GRIK4: variants seen among roughly 807,000 people sequenced by gnomAD.
The protein encoded by GRIK4 is glutamate ionotropic receptor kainate type subunit 4.
In GRIK4, 40 loss-of-function variants were observed where a neutral mutation model predicts 104.9. The observed-to-expected ratio is 0.38, with a 90% CI of 0.30 to 0.50. GRIK4 has a LOEUF of 0.50. Among genes scored for constraint, GRIK4 ranks in the 20% least tolerant of loss-of-function variants. The pLI is 0.93. For synonymous variants in GRIK4, 485 were observed against 524.9 expected (o/e 0.92, Z 1.04); for missense variants, 1,047 against 1,308.1 (o/e 0.80, Z 3.08).
At chr11:120,731,164 A>G (rs2846106) in intron 3 of GRIK4, among the ~76,000 whole-genome samples, 7,279 of 151,664 alleles carry the variant, frequency 0.048, 338 homozygotes, top group African/African-American at 0.11. Flanking sequence ...AAAGGCTTTC[A>G]GTTTTTCTCC....
intron 1 of GRIK4, among the ~76,000 whole-genome samples, chr11:120,634,076 C>T (rs571110503): frequency 1.2e-4 from 18 of 152,260 alleles, no homozygotes; most frequent in Admixed American, 7.2e-4. Context: ...CCTTTCTGAA[C>T]CTCATTTCTA....
rs533660084 is a variant in GRIK4 at position 120,911,507 on chromosome 11, G to A, written c.1476+6014G>A. 4.2e-3 allele frequency among the ~76,000 whole-genome samples: 613 copies of A among 146,182 alleles called. 5 individuals are homozygous for A. The highest frequency in any genetic ancestry group is 7.4e-3 in the Non-Finnish European group (492 of 66,282). On this transcript the variant is annotated intron_variant, in intron 13 of 20. Transcript: ENST00000527524. Reference sequence around the variant, plus strand: ...CCGTCTCGGCCTCCCAAAGTGCTGGGATTACAGGCTTGAGCCACCGCGCCC... The same window carrying A: ...CCGTCTCGGCCTCCCAAAGTGCTGGAATTACAGGCTTGAGCCACCGCGCCC...
intron 3 of GRIK4, among the ~76,000 whole-genome samples, chr11:120,783,731 A>G (rs1420393848): frequency 6.6e-6 from 1 of 152,162 alleles, no homozygotes; most frequent in East Asian, 1.9e-4. Flanking sequence ...ACAGTCAACT[A>G]AGCATCTCTT....
rs137936821 is a variant in GRIK4, at chr11:120,695,175, G to T, written c.82+34775G>T. ...GCCTTGGGACCCAGGAGCATGGGGG[G>T]TGTTCATTCTCACGAGCTGGGCTGT... On this transcript the variant is annotated intron_variant, in intron 3 of 20. Transcript: ENST00000527524. Among the ~76,000 whole-genome samples the T allele has an allele frequency of 6.1e-3, 930 of 152,328 alleles. 7 individuals are homozygous for T. The highest frequency in any genetic ancestry group is 0.017 in the Middle Eastern group (5 of 294).
intron 8 of GRIK4, chr11:120,858,542 C>T (rs1324490807): frequency 6.6e-6 from 1 of 152,202 alleles, no homozygotes; most frequent in Non-Finnish European, 1.5e-5. Flanking sequence ...AAACCAGCTG[C>T]TTCACTGCTG....
At position 120,939,020 on chromosome 11, in the gene GRIK4, T is replaced by G. The variant is rs1005367846; in HGVS notation, c.1477-1327T>G. On this transcript the variant is annotated intron_variant, in intron 13 of 20. Coordinates refer to ENST00000527524, the MANE Select transcript of GRIK4 (RefSeq NM_014619.5). This position sits in a 1 kb window ranked among gnomAD's most constrained non-coding sequence, Gnocchi z 5.6. ...CTGGGAAGGACCCAGGCACTCTCCT[T>G]GATTTATGGATGAGGTTAAGGGAGC... Among the ~76,000 whole-genome samples, 10 of 152,130 alleles carry G rather than the reference T, an allele frequency of 6.6e-5. No individual in the cohort carries two copies.
chr11:120,972,317 T>A (rs1246690204), intron 19 of GRIK4, among the ~76,000 whole-genome samples: 2 of 152,186 alleles, frequency 1.3e-5, no homozygotes, highest in Non-Finnish European at 2.9e-5. Context: ...TTGGCGGCAT[T>A]CATGGTCCCA....
At chr11:120,660,011 C>T (rs902499419) in intron 2 of GRIK4, among the ~76,000 whole-genome samples, 4 of 152,214 alleles carry the variant, frequency 2.6e-5, no homozygotes, top group African/African-American at 4.8e-5. Flanking sequence ...GGATTACAGG[C>T]GTGAGCCACT....
At chr11:120,610,378 G>A (rs1949019683) in intron 1 of GRIK4, among the ~76,000 whole-genome samples, 1 of 152,256 alleles carries the variant, frequency 6.6e-6, no homozygotes, top group South Asian at 2.1e-4. Flanking sequence ...TACACTCAGA[G>A]ATGAGATTGT....
intron 3 of GRIK4, among the ~76,000 whole-genome samples, chr11:120,694,730 G>T (rs1294454163): frequency 1.3e-5 from 2 of 152,168 alleles, no homozygotes; most frequent in African/African-American, 4.8e-5. Flanking sequence ...GCTCCAGGGG[G>T]CCTGGGAGAA....
rs561189468 is a variant in GRIK4, at chr11:120,517,052, C to T, written c.-159+5165C>T. ...TCCCCAGCCTCCTGCCAGCCCTCGCCGCCCTCCCTCCACGGTACCCTCGTG... is the reference window on the plus strand; with the variant it reads ...TCCCCAGCCTCCTGCCAGCCCTCGCTGCCCTCCCTCCACGGTACCCTCGTG... On this transcript the variant is annotated intron_variant, in intron 1 of 20. Transcript: ENST00000527524. 1.9e-4 allele frequency among the ~76,000 whole-genome samples: 28 copies of T among 144,424 alleles called. 6 individuals carry two copies. Among genetic ancestry groups the T allele is most frequent in the African/African-American group, 7.3e-4 (27 of 37,190 alleles). 94.7% of individuals were successfully genotyped at this position (144,424 alleles called of 152,430 possible).
chr11:120,964,049 G>C (rs1944341814), intron 18 of GRIK4, among the ~76,000 whole-genome samples: 1 of 151,382 alleles, frequency 6.6e-6, no homozygotes, highest in African/African-American at 2.4e-5. Flanking sequence ...CTGGAGTGCA[G>C]TGGCACTATC....
chr11:120,735,176 A>C (rs1383327697), intron 3 of GRIK4, among the ~76,000 whole-genome samples: 1 of 152,116 alleles, frequency 6.6e-6, no homozygotes. Flanking sequence ...TGTTTATCGT[A>C]GTCTTCACAA....
At chr11:120,607,173 C>T (rs1405302422) in intron 1 of GRIK4, among the ~76,000 whole-genome samples, 2 of 152,218 alleles carry the variant, frequency 1.3e-5, no homozygotes, top group Admixed American at 6.5e-5. Flanking sequence ...GGACAGGCTT[C>T]GGGGAGACAT....
rs1375200144 is a variant in GRIK4 at position 120,967,736 on chromosome 11, T to A, written c.2395+413T>A. Among the ~76,000 whole-genome samples the A allele has an allele frequency of 6.6e-6, 1 of 152,128 alleles. No individual in the cohort carries two copies. Among genetic ancestry groups the A allele is most frequent in the East Asian group, 1.9e-4 (1 of 5,184 alleles). ...TAAAAATGCAAACTCGATGGCAGCA[T>A]TCCCCCCACAAACCTCCCAATGGTT... On this transcript the variant is annotated intron_variant, in intron 19 of 20. Coordinates refer to ENST00000527524, the MANE Select transcript of GRIK4 (RefSeq NM_014619.5). The surrounding 1 kb of genome is among the most constrained non-coding windows in gnomAD (Gnocchi z 4.2).
chr11:120,660,364 G>A lies in GRIK4; in HGVS notation c.46G>A (p.Val16Met), dbSNP rs200538196. The A allele has an allele frequency of 1.6e-4, 253 of 1,613,292 alleles. 1 individual carries two copies. Among genetic ancestry groups the A allele is most frequent in the Middle Eastern group, 6.6e-4 (4 of 6,060 alleles). ...TTTGGTGCTGCTTCCTGCGTGGCTC[G>A]TGATGGTCGCCTGCAGCCCGCACTC... ...APLVLLPAWL[V>M]MVACSPHSLR... The change falls in exon 3 of 21, where the codon GTG (valine) becomes ATG (methionine). Residue 16 changes from valine to methionine, a missense_variant. Around this residue, in one of 3 missense-constraint regions of GRIK4, gnomAD observed 447 missense variants for 514.9 expected, o/e 0.87. Coordinates refer to ENST00000527524, the MANE Select transcript of GRIK4 (RefSeq NM_014619.5).
chr11:120,897,778 A>G (rs1012883968), intron 11 of GRIK4, among the ~76,000 whole-genome samples: 2 of 151,956 alleles, frequency 1.3e-5, no homozygotes, highest in South Asian at 2.1e-4. Flanking sequence ...CAATGACCCA[A>G]TGAGGTTTCT....
intron 6 of GRIK4, among the ~76,000 whole-genome samples, chr11:120,821,186 G>T (rs780683506): frequency 3.9e-5 from 6 of 152,236 alleles, no homozygotes; most frequent in Admixed American, 3.3e-4. Flanking sequence ...ATCTGAGAAG[G>T]CCCAGAGTGG....
intron 1 of GRIK4, among the ~76,000 whole-genome samples, chr11:120,526,284 C>T (rs1190010227): frequency 6.6e-6 from 1 of 152,152 alleles, no homozygotes; most frequent in East Asian, 1.9e-4. Flanking sequence ...CTCCCGGGCT[C>T]AGGGTGATTC....
Sources: allele counts gnomAD v4.1 joint callset (sites outside exome capture counted in the v4.1 genomes callset), GRCh38; gene constraint gnomAD v4.1.1; regional missense constraint gnomAD v4.1.1; non-coding constraint Gnocchi (gnomAD v3.1); transcripts MANE v1.5; gene names NCBI Gene and HGNC (gene_info 2026-07-23, HGNC 2026-07-21).